Variants in AUTS2 observed in about 807,000 individuals in gnomAD.
AUTS2 encodes the protein activator of transcription and developmental regulator AUTS2, also known as autism susceptibility gene 2 protein.
AUTS2 carries 17 observed loss-of-function variants against 112.4 expected under a neutral mutation model. The ratio of observed to expected loss-of-function variants is 0.15; its 90% CI spans 0.10 to 0.23. The LOEUF (loss-of-function observed/expected upper bound fraction) is 0.23, where lower values mean the gene tolerates loss of function less well. AUTS2 is among the 10% of genes least tolerant of loss of function. The pLI, the probability that AUTS2 is intolerant of heterozygous loss-of-function variation, is 1.00. For missense variants in AUTS2, 1,510 were observed against 1,701.6 expected (o/e 0.89, Z 1.98); for synonymous variants, 751 against 702.7 (o/e 1.07, Z -1.09).
intron 4 of AUTS2, among the ~76,000 whole-genome samples, chr7:70,268,732 T>G (rs907725160): frequency 1.4e-4 from 21 of 152,218 alleles, no homozygotes; most frequent in African/African-American, 4.6e-4. Flanking sequence ...TCTTTGGGGT[T>G]AGTTTATTAT....
At chr7:70,135,745 A>C (rs142131776) in intron 4 of AUTS2, among the ~76,000 whole-genome samples, 2 of 152,146 alleles carry the variant, frequency 1.3e-5, no homozygotes, top group African/African-American at 2.4e-5. Context: ...CCTTGCTCCT[A>C]CTTATTGTGG....
At chr7:70,288,007 G>A (rs1788542085) in intron 4 of AUTS2, among the ~76,000 whole-genome samples, 1 of 151,976 alleles carries the variant, frequency 6.6e-6, no homozygotes, top group South Asian at 2.1e-4. Flanking sequence ...GAGAATTTTT[G>A]CTTTTTAGCT....
chr7:70,021,977 A>G (rs557056756), intron 2 of AUTS2, among the ~76,000 whole-genome samples: 1 of 152,044 alleles, frequency 6.6e-6, no homozygotes, highest in South Asian at 2.1e-4. Context: ...TCCCAGTTCC[A>G]TAGAGGCAAA....
At chr7:70,680,504 T>A (rs757780) in intron 5 of AUTS2, among the ~76,000 whole-genome samples, 121,996 of 152,162 alleles carry the variant, frequency 0.8, 49,199 homozygotes, top group East Asian at 1. Flanking sequence ...GCTGCTCATG[T>A]GATCCGGTCC....
At chr7:70,120,672 CT>C (rs557246742) in intron 3 of AUTS2, among the ~76,000 whole-genome samples, 420 of 152,146 alleles carry the variant, frequency 2.8e-3, no homozygotes, top group South Asian at 8.1e-3. Context: ...GATCTTTTGG[CT>C]TGTTTCCTCT....
chr7:70,006,204 G>A (rs1799537709), intron 2 of AUTS2, among the ~76,000 whole-genome samples: 1 of 152,010 alleles, frequency 6.6e-6, no homozygotes, highest in African/African-American at 2.4e-5. Context: ...ACCAGAGTAC[G>A]TTGTACATTT....
intron 1 of AUTS2, among the ~76,000 whole-genome samples, chr7:69,810,113 C>T (rs955128941): frequency 5.9e-5 from 9 of 152,164 alleles, no homozygotes; most frequent in African/African-American, 1.7e-4. Flanking sequence ...CATGTTCCAG[C>T]GTCCAGGCAC....
At chr7:69,953,116 A>G (rs576829113) in intron 2 of AUTS2, among the ~76,000 whole-genome samples, 9 of 152,138 alleles carry the variant, frequency 5.9e-5, no homozygotes, top group East Asian at 1.9e-4. Context: ...ACCTATCTCA[A>G]TGTTGTTTGA....
intron 2 of AUTS2, among the ~76,000 whole-genome samples, chr7:70,115,363 C>T (rs990708243): frequency 1.3e-5 from 2 of 152,022 alleles, no homozygotes; most frequent in African/African-American, 4.8e-5. Context: ...TAAATAGAGA[C>T]GGGGTCTTGT....
intron 5 of AUTS2, among the ~76,000 whole-genome samples, chr7:70,450,733 G>A (rs1370352640): frequency 6.6e-6 from 1 of 152,118 alleles, no homozygotes; most frequent in Admixed American, 6.5e-5. Flanking sequence ...GGAGTGAAAG[G>A]GGGTGAAAGT....
At chr7:69,808,080 A>AC (rs1294065247) in intron 1 of AUTS2, among the ~76,000 whole-genome samples, 1 of 151,386 alleles carries the variant, frequency 6.6e-6, no homozygotes, top group African/African-American at 2.4e-5. Context: ...GGCTTGCACT[A>AC]CCATGCCTGG....
chr7:70,079,802 C>T lies in AUTS2; in HGVS notation c.523-38330C>T, dbSNP rs564949758. On this transcript the variant is annotated intron_variant, in intron 2 of 18. Coordinates refer to ENST00000342771, the MANE Select transcript of AUTS2 (RefSeq NM_015570.4). ...GTTTTGTTCTGCTGTAACAGAACAC[C>T]GCAAACTGAGTAATTTATAAGCAAT... is the stretch of plus-strand genomic sequence containing the variant. Among the ~76,000 whole-genome samples, 96 of 151,994 alleles carry T rather than the reference C, an allele frequency of 6.3e-4. 1 individual carries two copies. Among genetic ancestry groups the T allele is most frequent in the Non-Finnish European group, 1.1e-3 (72 of 67,988 alleles).
chr7:69,975,992 A>T (rs1217091902), intron 2 of AUTS2, among the ~76,000 whole-genome samples: 1 of 152,176 alleles, frequency 6.6e-6, no homozygotes, highest in Non-Finnish European at 1.5e-5. Context: ...TTTAAAAAAA[A>T]TGCATTTTAC....
intron 5 of AUTS2, among the ~76,000 whole-genome samples, chr7:70,651,080 T>G (rs1250668114): frequency 1.3e-5 from 2 of 152,262 alleles, no homozygotes; most frequent in African/African-American, 4.8e-5. Flanking sequence ...CTACAGTTAT[T>G]GAGCACTTGC....
At chr7:69,804,035 A>G (rs1584269270) in intron 1 of AUTS2, among the ~76,000 whole-genome samples, 1 of 152,220 alleles carries the variant, frequency 6.6e-6, no homozygotes, top group East Asian at 1.9e-4. Flanking sequence ...CTTGTCTCAA[A>G]GAAAATTTTT....
chr7:69,837,939 C>CCTGCAG (rs1196964816), intron 1 of AUTS2, among the ~76,000 whole-genome samples: 2 of 152,152 alleles, frequency 1.3e-5, no homozygotes, highest in Non-Finnish European at 2.9e-5. Flanking sequence ...GCAGCCTCTG[C>CCTGCAG]CTGCAGCTAA....
At chr7:70,432,526 C>T (rs2130831952) in intron 4 of AUTS2, among the ~76,000 whole-genome samples, 1 of 152,310 alleles carries the variant, frequency 6.6e-6, no homozygotes, top group East Asian at 1.9e-4. Context: ...GGCCCATAAA[C>T]CGCTGCCAGT....
Position 69,599,186 on chromosome 7 carries a change from C to G in AUTS2, c.-468C>G, listed in dbSNP as rs1436987497. 7.4e-6 allele frequency: 1 copy of G among 134,396 alleles called. No homozygotes were observed. Among genetic ancestry groups the G allele is most frequent in the African/African-American group, 2.7e-5 (1 of 36,722 alleles). 8.3% of individuals were successfully genotyped at this position (134,396 alleles called of 1,614,324 possible). On this transcript the variant is annotated 5_prime_UTR_variant, in exon 1 of 19. Transcript: ENST00000342771. This position sits in a 1 kb window ranked among gnomAD's most constrained non-coding sequence, Gnocchi z 7.0. Reference sequence around the variant, plus strand: ...CGATTTTGGATCGAGTTGAGGGGGGCGCGGGCGTTTTCGGGGGGCGGGGGG... The same window carrying G: ...CGATTTTGGATCGAGTTGAGGGGGGGGCGGGCGTTTTCGGGGGGCGGGGGG...
At chr7:70,078,684 C>T (rs1803154997) in intron 2 of AUTS2, among the ~76,000 whole-genome samples, 1 of 152,126 alleles carries the variant, frequency 6.6e-6, no homozygotes, top group South Asian at 2.1e-4. Context: ...TATCAATCCC[C>T]CCAACCCCTG....
Sources: gnomAD v4.1 joint callset for allele counts (sites outside exome capture counted in the v4.1 genomes callset) on GRCh38, gnomAD v4.1.1 for gene constraint, Gnocchi (gnomAD v3.1) non-coding constraint, MANE v1.5 for transcripts, NCBI Gene and HGNC (gene_info 2026-07-23, HGNC 2026-07-21) for gene names.